The following FAM53B variants were observed in gnomAD, a reference collection of about 807,000 sequenced individuals.
The protein encoded by FAM53B is family with sequence similarity 53 member B.
Under a neutral mutation model 32.7 loss-of-function variants are expected in FAM53B, and 12 were observed. The ratio of observed to expected loss-of-function variants is 0.37; its 90% CI spans 0.24 to 0.59. The LOEUF is 0.59. Among genes scored for constraint, FAM53B ranks in the 20% least tolerant of loss-of-function variants. The pLI is 0.72. For missense variants in FAM53B, 477 were observed against 577.7 expected, an observed-to-expected ratio of 0.83 and a Z score of 1.79; for synonymous variants, 234 against 228.7, an observed-to-expected ratio of 1.02 and a Z score of -0.21.
Position 124,730,813 on chromosome 10 carries a change from C to T in FAM53B, c.-175+13200G>A, listed in dbSNP as rs115295070. The stretch of plus-strand genomic sequence containing the variant: ...GCTAACATACTGAACAGCCCAGGTC[C>T]GGAGTGCAGAGTATTCATGTGGAGA... On this transcript the variant is annotated intron_variant, in intron 1 of 4. Coordinates refer to ENST00000337318, the MANE Select transcript of FAM53B (RefSeq NM_014661.4). Among the ~76,000 whole-genome samples, 1,112 of 152,254 alleles carry T rather than the reference C, an allele frequency of 7.3e-3. 14 individuals carry two copies. The highest frequency in any genetic ancestry group is 0.025 in the African/African-American group (1,018 of 41,536).
intron 4 of FAM53B, among the ~76,000 whole-genome samples, chr10:124,659,798 T>A (rs948372490): frequency 1.3e-5 from 2 of 152,142 alleles, no homozygotes; most frequent in Non-Finnish European, 2.9e-5. Context: ...CAGGCCAGAG[T>A]CAACTTTGCT....
chr10:124,691,572 A>G (rs192372383), intron 3 of FAM53B, among the ~76,000 whole-genome samples: 1 of 152,296 alleles, frequency 6.6e-6, no homozygotes, highest in East Asian at 1.9e-4. Context: ...AATAATTGGT[A>G]TTGCCTTCGC....
At chr10:124,706,023 G>A (rs892422107) in intron 2 of FAM53B, among the ~76,000 whole-genome samples, 1 of 152,228 alleles carries the variant, frequency 6.6e-6, no homozygotes, top group Non-Finnish European at 1.5e-5. Context: ...CACATCTGAG[G>A]AACTGGGCTT....
At position 124,682,434 on chromosome 10, in the gene FAM53B, C is replaced by A; in HGVS notation, c.134-55G>T. ...GATTTGAGAAGACCTTCACTCCAGC[C>A]CTTTATTATCTCCACACCAACAGCC... On this transcript the variant is annotated intron_variant, in intron 3 of 4. Transcript: ENST00000337318. This position sits in a 1 kb window ranked among gnomAD's most constrained non-coding sequence, Gnocchi z 5.2. 2.1e-6 allele frequency: 3 copies of A among 1,459,166 alleles called. No homozygotes were observed. Among genetic ancestry groups the A allele is most frequent in the Non-Finnish European group, 2.8e-6 (3 of 1,078,230 alleles). The allele number at this position is 1,459,166 out of a possible 1,614,324, so 90.4% of individuals were successfully genotyped here. A position where few individuals can be genotyped will look rare whatever the true frequency, so the allele number is the denominator to read the frequency against.
At chr10:124,669,411 C>T (rs929471688) in intron 4 of FAM53B, among the ~76,000 whole-genome samples, 10 of 152,222 alleles carry the variant, frequency 6.6e-5, no homozygotes, top group African/African-American at 2.4e-4. Flanking sequence ...CCGTGCCCGG[C>T]TTTACCAGCC....
intron 4 of FAM53B, among the ~76,000 whole-genome samples, chr10:124,640,604 C>A (rs1316284853): frequency 6.6e-6 from 1 of 152,216 alleles, no homozygotes; most frequent in African/African-American, 2.4e-5. Context: ...GGTGTCCTAG[C>A]AGCTGCAGAG....
intron 4 of FAM53B, among the ~76,000 whole-genome samples, chr10:124,625,342 C>T (rs985728452): frequency 3.3e-5 from 5 of 152,206 alleles, no homozygotes; most frequent in Admixed American, 2.6e-4. Context: ...TTGGGGGGAG[C>T]TCTGCACGGG....
rs1169990816 is a variant in FAM53B, at chr10:124,638,151, C to T, written c.907-14547G>A. On this transcript the variant is annotated intron_variant, in intron 4 of 4. Transcript: ENST00000337318. Reference sequence around the variant, plus strand: ...TTGGGAAGCTGAGGCAGGCGGATCACGAGGTCAGGAGATTGAGACCATCCT... The same window carrying T: ...TTGGGAAGCTGAGGCAGGCGGATCATGAGGTCAGGAGATTGAGACCATCCT... 3.3e-5 allele frequency among the ~76,000 whole-genome samples: 5 copies of T among 152,264 alleles called. No homozygotes were observed. In the East Asian group the frequency reaches 9.7e-4, roughly 29 times the overall value.
intron 4 of FAM53B, among the ~76,000 whole-genome samples, chr10:124,640,913 C>G (rs763167904): frequency 6.6e-6 from 1 of 152,240 alleles, no homozygotes; most frequent in African/African-American, 2.4e-5. Context: ...GAGGGCACGC[C>G]CCGCTGACCC....
intron 1 of FAM53B, chr10:124,713,366 CA>C (rs1242563614): frequency 2.0e-5 from 3 of 152,256 alleles, no homozygotes; most frequent in African/African-American, 7.2e-5. Flanking sequence ...ACCACAGAAA[CA>C]GGGGGGACAG....
At chr10:124,716,042 G>A (rs1950036789) in intron 1 of FAM53B, among the ~76,000 whole-genome samples, 1 of 152,220 alleles carries the variant, frequency 6.6e-6, no homozygotes, top group South Asian at 2.1e-4. Context: ...AACTGGGCTG[G>A]TGGACATTCA....
intron 4 of FAM53B, among the ~76,000 whole-genome samples, chr10:124,629,073 C>G (rs769310318): frequency 6.6e-6 from 1 of 152,262 alleles, no homozygotes; most frequent in Non-Finnish European, 1.5e-5. Flanking sequence ...AGGTTATGCA[C>G]CTGCTTCTTA....
intron 1 of FAM53B, among the ~76,000 whole-genome samples, chr10:124,721,778 G>A (rs943384558): frequency 7.9e-5 from 12 of 152,288 alleles, no homozygotes; most frequent in Admixed American, 4.6e-4. Flanking sequence ...CTGTGAACAC[G>A]TGTGTGAGTG....
At chr10:124,662,389 C>G (rs1354523468) in intron 4 of FAM53B, among the ~76,000 whole-genome samples, 1 of 152,162 alleles carries the variant, frequency 6.6e-6, no homozygotes, top group Non-Finnish European at 1.5e-5. Flanking sequence ...GAATCCAGGC[C>G]TCCTGCCTCA....
chr10:124,645,399 T>A (rs1408355776), intron 4 of FAM53B, among the ~76,000 whole-genome samples: 1 of 152,154 alleles, frequency 6.6e-6, no homozygotes, highest in Non-Finnish European at 1.5e-5. Context: ...AGATGCAAAA[T>A]CTCAGCCCCT....
At chr10:124,708,628 C>T (rs1379055894) in intron 1 of FAM53B, among the ~76,000 whole-genome samples, 2 of 152,392 alleles carry the variant, frequency 1.3e-5, no homozygotes, top group East Asian at 3.9e-4. Context: ...GCAGGCTTAG[C>T]TCAGGAGCAG....
intron 2 of FAM53B, among the ~76,000 whole-genome samples, chr10:124,706,258 G>C (rs1464957024): frequency 6.6e-6 from 1 of 152,128 alleles, no homozygotes; most frequent in African/African-American, 2.4e-5. Flanking sequence ...CCTTCAGAGG[G>C]ACAGGCTTAT....
chr10:124,684,368 T>C (rs1478936718), intron 3 of FAM53B, among the ~76,000 whole-genome samples: 1 of 152,238 alleles, frequency 6.6e-6, no homozygotes, highest in Non-Finnish European at 1.5e-5. Flanking sequence ...CCAAAAATCA[T>C]CCAAAGTACC....
intron 2 of FAM53B, among the ~76,000 whole-genome samples, chr10:124,699,706 C>T (rs965655821): frequency 7.9e-5 from 12 of 152,196 alleles, no homozygotes; most frequent in Non-Finnish European, 1.8e-4. Flanking sequence ...GACTGTCAAC[C>T]AAGGTGCCTC....
Sources: allele counts gnomAD v4.1 joint callset (sites outside exome capture counted in the v4.1 genomes callset), GRCh38; gene constraint gnomAD v4.1.1; non-coding constraint Gnocchi (gnomAD v3.1); transcripts MANE v1.5; gene names NCBI Gene and HGNC (gene_info 2026-07-23, HGNC 2026-07-21).